The following CLEC6A variants were observed in gnomAD, a reference collection of about 807,000 sequenced individuals.
CLEC6A encodes the protein C-type lectin domain containing 6A, also known as C-type lectin domain family 6 member A.
Under a neutral mutation model 25.7 loss-of-function variants are expected in CLEC6A, and 22 were observed. That is an observed-to-expected ratio of 0.85 (90% CI 0.61 to 1.22). CLEC6A has a LOEUF of 1.22. Among genes scored for constraint, CLEC6A ranks in the 50% most tolerant of loss-of-function variants. The pLI is 0.00. For synonymous variants in CLEC6A, 92 were observed against 76.7 expected, an observed-to-expected ratio of 1.20 and a Z score of -1.04; for missense variants, 240 against 236.8, an observed-to-expected ratio of 1.01 and a Z score of -0.09.
At chr12:8,459,356 C>T (rs777620997) in intron 2 of CLEC6A, among the ~76,000 whole-genome samples, 4 of 152,162 alleles carry the variant, frequency 2.6e-5, no homozygotes, top group South Asian at 4.1e-4. Context: ...GGCAGAATCT[C>T]TGTCCAAGAG....
At chr12:8,474,217 A>G (rs1028173427) in intron 4 of CLEC6A, among the ~76,000 whole-genome samples, 1 of 152,034 alleles carries the variant, frequency 6.6e-6, no homozygotes, top group Non-Finnish European at 1.5e-5. Flanking sequence ...ATATACTTAA[A>G]CTTTTAATCC....
In CLEC6A at chr12:8,477,553, A is replaced by G; in HGVS notation, c.*89A>G. The G allele has an allele frequency of 2.0e-6, 2 of 1,000,370 alleles. No individual in the cohort carries two copies. The highest frequency in any genetic ancestry group is 2.9e-6 in the Non-Finnish European group (2 of 690,300). 62.0% of individuals were successfully genotyped at this position (1,000,370 alleles called of 1,614,324 possible). ...AATTGAACCCTATCATGAAATGATA[A>G]TTTCTTCCTGAATTTACACATAATC... On this transcript the variant is annotated 3_prime_UTR_variant, in exon 6 of 6. Coordinates refer to ENST00000382073, the MANE Select transcript of CLEC6A (RefSeq NM_001007033.2).
chr12:8,465,158 T>C (rs538912139), intron 3 of CLEC6A, among the ~76,000 whole-genome samples: 48 of 152,256 alleles, frequency 3.2e-4, no homozygotes, highest in Non-Finnish European at 6.5e-4. Context: ...GGTTTCTAGG[T>C]TCGTCTGTGT....
Position 8,465,544 on chromosome 12 carries a change from G to A in CLEC6A, c.284G>A (p.Ser95Asn), listed in dbSNP as rs756656951. The A allele has an allele frequency of 1.9e-6, 3 of 1,613,742 alleles. 1 individual carries two copies. The highest frequency in any genetic ancestry group is 2.2e-5 in the South Asian group (2 of 91,076). ...GGTTCCAGTTGCTACTTCATTTCCAGTGAAGAGAAGGTTTGGTCTAAGAGT... is the reference window on the plus strand; with the variant it reads ...GGTTCCAGTTGCTACTTCATTTCCAATGAAGAGAAGGTTTGGTCTAAGAGT... ...SFGSSCYFISSEEKVWSKSEQ... is the reference protein window; with the variant it reads ...SFGSSCYFISNEEKVWSKSEQ... Residue 95 changes from serine (S) to asparagine (N), a missense_variant, in exon 4 of 6, where the codon AGT (serine) becomes AAT (asparagine). By Grantham distance (46) the Ser-to-Asn change is conservative. Transcript: ENST00000382073.
chr12:8,457,758 G>A, intron 1 of CLEC6A, 140 bp from the exon 2 acceptor site: 1 of 640,768 alleles, frequency 1.6e-6, no homozygotes. Flanking sequence ...TTCTGAGGGA[G>A]TTTGTAAGCT....
chr12:8,458,054 A>G lies in CLEC6A; in HGVS notation c.121+67A>G, dbSNP rs932770360. 4 of 1,141,132 alleles carry G rather than the reference A, an allele frequency of 3.5e-6. No homozygotes were observed. The Admixed American group carries it at 5.3e-5, about 15-fold the overall frequency. 70.7% of individuals were successfully genotyped at this position (1,141,132 alleles called of 1,614,324 possible). A position where few individuals can be genotyped will look rare whatever the true frequency, so the allele number is the denominator to read the frequency against. On this transcript the variant is annotated intron_variant, in intron 2 of 5. Coordinates refer to ENST00000382073, the MANE Select transcript of CLEC6A (RefSeq NM_001007033.2). ...CTTGAATATTCCATACAGGTTTCCT[A>G]GGATATATTCTCCTTTGCCCCATTA...
chr12:8,457,887 T>A lies in CLEC6A; in HGVS notation c.32-11T>A, dbSNP rs780708944. The A allele has an allele frequency of 1.6e-5, 26 of 1,610,810 alleles. No homozygotes were observed. The highest frequency in any genetic ancestry group is 7.7e-5 in the South Asian group (7 of 91,002). ...CTGGTAACTGCATTTGTTGTCTTCC[T>A]GATTGGACAGAGAAAAGAGGCTGGT... On this transcript the variant is annotated splice_polypyrimidine_tract_variant and intron_variant, in intron 1 of 5. Transcript: ENST00000382073.
intron 1 of CLEC6A, among the ~76,000 whole-genome samples, chr12:8,457,171 C>A (rs762186817): frequency 3.3e-5 from 5 of 151,952 alleles, no homozygotes; most frequent in African/African-American, 1.2e-4. Flanking sequence ...GATTTTATTT[C>A]TTCTAGCTAA....
chr12:8,465,834 G>C (rs962490760), intron 4 of CLEC6A, among the ~76,000 whole-genome samples: 1 of 152,062 alleles, frequency 6.6e-6, no homozygotes, highest in Non-Finnish European at 1.5e-5. Flanking sequence ...ATCCCTGAAA[G>C]CCCTGGCAAT....
intron 4 of CLEC6A, among the ~76,000 whole-genome samples, chr12:8,473,873 C>T (rs965844016): frequency 6.6e-6 from 1 of 151,956 alleles, no homozygotes; most frequent in African/African-American, 2.4e-5. Context: ...TATATATCTT[C>T]TTTTGAGAAG....
At chr12:8,458,095 C>T in intron 2 of CLEC6A, 108 bp downstream of exon 2, 1 of 675,858 alleles carries the variant, frequency 1.5e-6, no homozygotes, top group South Asian at 1.9e-5. Context: ...TCAGCTCTTA[C>T]TTGGAATGCC....
chr12:8,460,581 G>C, intron 3 of CLEC6A: 2 of 1,008,720 alleles, frequency 2.0e-6, no homozygotes, highest in Non-Finnish European at 3.1e-6. Context: ...AAGGGGAAGA[G>C]CCTTTCTGTC....
chr12:8,466,354 G>A (rs73045714), intron 4 of CLEC6A, among the ~76,000 whole-genome samples: 92 of 152,262 alleles, frequency 6.0e-4, no homozygotes, highest in Non-Finnish European at 9.4e-4. Flanking sequence ...ATGTGGGTGG[G>A]CAAATAATCT....
rs375579884 is a variant in CLEC6A at position 8,457,035 on chromosome 12, A to C, written c.32-863A>C. ...TGAGGCAGGAGAATCACTTGAACCC[A>C]GGAGGTGGAGGTTGCAGGGTGCCAA... On this transcript the variant is annotated intron_variant, in intron 1 of 5. Coordinates refer to ENST00000382073, the MANE Select transcript of CLEC6A (RefSeq NM_001007033.2). Among the ~76,000 whole-genome samples the C allele has an allele frequency of 2.6e-4, 39 of 152,038 alleles. No homozygotes were observed. In the East Asian group the frequency reaches 6.8e-3, roughly 26 times the overall value.
intron 3 of CLEC6A, chr12:8,460,500 A>C: frequency 1.6e-6 from 1 of 615,832 alleles, no homozygotes; most frequent in Non-Finnish European, 2.9e-6. Context: ...CGTGGGAATT[A>C]TGGGAGTACA....
intron 2 of CLEC6A, among the ~76,000 whole-genome samples, chr12:8,459,250 A>G (rs964926435): frequency 6.6e-6 from 1 of 152,018 alleles, no homozygotes; most frequent in African/African-American, 2.4e-5. Context: ...TTATTATTTA[A>G]AATTGTGGGT....
chr12:8,467,158 T>C (rs1185526934), intron 4 of CLEC6A, among the ~76,000 whole-genome samples: 1 of 152,210 alleles, frequency 6.6e-6, no homozygotes, highest in African/African-American at 2.4e-5. Context: ...TTTTCCTTAG[T>C]TGATTGTTTC....
intron 4 of CLEC6A, among the ~76,000 whole-genome samples, chr12:8,471,048 G>A (rs966492094): frequency 9.9e-5 from 15 of 152,168 alleles, no homozygotes; most frequent in Non-Finnish European, 1.9e-4. Flanking sequence ...ACCAATTGAG[G>A]TAATCAGGTG....
rs1295504841 is a variant in CLEC6A at position 8,464,369 on chromosome 12, G to A, written c.224-1115G>A. 2.1e-5 allele frequency among the ~76,000 whole-genome samples: 3 copies of A among 145,580 alleles called. No homozygotes were observed. The Admixed American group carries it at 2.1e-4, about 10-fold the overall frequency. On this transcript the variant is annotated intron_variant, in intron 3 of 5. Coordinates refer to ENST00000382073, the MANE Select transcript of CLEC6A (RefSeq NM_001007033.2). Reference sequence around the variant, plus strand: ...TTTTGAGACGGAGTCTCTCTCTGTCGCCCAGGCTGGAGTGCGGTGGTGCAA... The same window carrying A: ...TTTTGAGACGGAGTCTCTCTCTGTCACCCAGGCTGGAGTGCGGTGGTGCAA...
Sources: allele counts gnomAD v4.1 joint callset (sites outside exome capture counted in the v4.1 genomes callset), GRCh38; gene constraint gnomAD v4.1.1; transcripts MANE v1.5; gene names NCBI Gene and HGNC (gene_info 2026-07-23, HGNC 2026-07-21).